The following CCDC88C variants were observed in gnomAD, a reference collection of about 807,000 sequenced individuals.
The protein encoded by CCDC88C is protein Daple.
CCDC88C carries 131 observed loss-of-function variants against 198.8 expected under a neutral mutation model. The ratio of observed to expected loss-of-function variants is 0.66; its 90% CI spans 0.57 to 0.76. The LOEUF is 0.76. Among genes scored for constraint, CCDC88C ranks in the 30% least tolerant of loss-of-function variants. The pLI is 0.00. For missense variants in CCDC88C, 2,553 were observed against 2,631.6 expected, an observed-to-expected ratio of 0.97 and a Z score of 0.65; for synonymous variants, 1,166 against 1,114.7, an observed-to-expected ratio of 1.05 and a Z score of -0.92.
chr14:91,385,594 G>A (rs374322308), intron 3 of CCDC88C, among the ~76,000 whole-genome samples: 17 of 152,298 alleles, frequency 1.1e-4, no homozygotes, highest in African/African-American at 4.1e-4. Context: ...GCCAAACTCG[G>A]ACATCAAAAG....
At chr14:91,275,205 C>T (rs1038685656) in intron 29 of CCDC88C, among the ~76,000 whole-genome samples, 5 of 152,116 alleles carry the variant, frequency 3.3e-5, no homozygotes, top group African/African-American at 9.7e-5. Flanking sequence ...CAGCTTTCAA[C>T]AGAAGCTGCT....
chr14:91,400,980 G>A (rs1443720304), intron 3 of CCDC88C, among the ~76,000 whole-genome samples: 2 of 151,792 alleles, frequency 1.3e-5, no homozygotes, highest in Non-Finnish European at 2.9e-5. Flanking sequence ...ACACCCACAC[G>A]ATAAAATGTT....
chr14:91,417,762 G>T lies in CCDC88C; in HGVS notation c.-72C>A. 1 of 1,188,784 alleles carries T rather than the reference G, an allele frequency of 8.4e-7. No homozygotes were observed. The highest frequency in any genetic ancestry group is 1.6e-5 in the African/African-American group (1 of 61,584). The allele number at this position is 1,188,784 out of a possible 1,614,324, so 73.6% of individuals were successfully genotyped here. A position where few individuals can be genotyped will look rare whatever the true frequency, so the allele number is the denominator to read the frequency against. ...GTTCCCCCGCGCCGCGGCACAAAAC[G>T]GCTCCGCAGCGAGCAGCGGGCGCGG... On this transcript the variant is annotated 5_prime_UTR_variant, in exon 1 of 30. Transcript: ENST00000389857.
chr14:91,395,245 C>T (rs1885775128), intron 3 of CCDC88C, among the ~76,000 whole-genome samples: 1 of 152,142 alleles, frequency 6.6e-6, no homozygotes, highest in Non-Finnish European at 1.5e-5. Flanking sequence ...CAAGTAACTG[C>T]CCCCTCCGCC....
intron 15 of CCDC88C, 95 bp from the exon 16 acceptor site, chr14:91,310,081 C>A: frequency 7.6e-7 from 1 of 1,314,510 alleles, no homozygotes; most frequent in Non-Finnish European, 1.0e-6. Flanking sequence ...AACTGTCCTC[C>A]CGGGCCACGG....
rs1887133363 is a variant in CCDC88C at position 91,417,560 on chromosome 14, G to GC, written c.60+70dup. ...CCGGGGCCCCGGCCGTGTCGGGTCT[G>GC]CGGCGTCCCGTCGCCGGGCTAGAGA... On this transcript the variant is annotated intron_variant, in intron 1 of 29. Transcript: ENST00000389857. 1.1e-5 allele frequency: 16 copies of GC among 1,435,726 alleles called. No individual in the cohort carries two copies. In the South Asian group the frequency reaches 2.0e-4, roughly 18 times the overall value. The allele number at this position is 1,435,726 out of a possible 1,614,324, so 88.9% of individuals were successfully genotyped here. A position where few individuals can be genotyped will look rare whatever the true frequency, so the allele number is the denominator to read the frequency against.
intron 4 of CCDC88C, 65 bp downstream of exon 4, chr14:91,359,577 G>T: frequency 7.6e-7 from 1 of 1,320,888 alleles, no homozygotes; most frequent in Non-Finnish European, 1.1e-6. Flanking sequence ...TCGATGGCCA[G>T]CAGCTGCCCA....
At chr14:91,316,829 G>A (rs755579011) in intron 13 of CCDC88C, among the ~76,000 whole-genome samples, 3 of 152,118 alleles carry the variant, frequency 2.0e-5, no homozygotes, top group Admixed American at 6.5e-5. Context: ...CCTATACTCC[G>A]GTCCATCCCC....
intron 10 of CCDC88C, among the ~76,000 whole-genome samples, chr14:91,330,853 G>A (rs995706549): frequency 1.3e-5 from 2 of 152,158 alleles, no homozygotes; most frequent in African/African-American, 4.8e-5. Flanking sequence ...GAGGGTCTAT[G>A]TGTGTGGGCT....
intron 25 of CCDC88C, among the ~76,000 whole-genome samples, chr14:91,286,710 C>T (rs941599591): frequency 2.6e-5 from 4 of 152,228 alleles, no homozygotes; most frequent in African/African-American, 9.6e-5. Context: ...CAGTTCAGGG[C>T]TAGGCTCTTG....
In CCDC88C at chr14:91,280,539, C is replaced by T. The variant is rs192554867; in HGVS notation, c.4699+918G>A. ...ATAAGGAAACCGTGATAGCGATCAA[C>T]GGCCCAAAAGCACCATTGTTTATTC... is the stretch of plus-strand genomic sequence containing the variant. On this transcript the variant is annotated intron_variant, in intron 27 of 29. Coordinates refer to ENST00000389857, the MANE Select transcript of CCDC88C (RefSeq NM_001080414.4). 4.0e-4 allele frequency among the ~76,000 whole-genome samples: 61 copies of T among 152,298 alleles called. 1 individual carries two copies. In the East Asian group the frequency reaches 9.2e-3, roughly 23 times the overall value.
intron 10 of CCDC88C, among the ~76,000 whole-genome samples, chr14:91,328,613 G>A (rs886099390): frequency 6.6e-6 from 1 of 152,206 alleles, no homozygotes; most frequent in Non-Finnish European, 1.5e-5. Context: ...CTGCCACTGC[G>A]ACTTGGGGCA....
intron 14 of CCDC88C, among the ~76,000 whole-genome samples, chr14:91,314,411 G>A (rs1035812581): frequency 1.3e-5 from 2 of 152,212 alleles, no homozygotes; most frequent in East Asian, 3.8e-4. Flanking sequence ...CCTCACTTAA[G>A]TTTCAGCGGT....
At chr14:91,344,604 T>C (rs1285801) in intron 4 of CCDC88C, among the ~76,000 whole-genome samples, 116,556 of 151,296 alleles carry the variant, frequency 0.77, 45,340 homozygotes, top group Non-Finnish European at 0.82. Context: ...CTCTGCCTCC[T>C]GGGTTCATGC....
At chr14:91,416,891 A>C in intron 1 of CCDC88C, 53 bp from the exon 2 acceptor site, 5 of 1,317,032 alleles carry the variant, frequency 3.8e-6, no homozygotes, top group Middle Eastern at 1.8e-4. Flanking sequence ...CGTGCGCACA[A>C]ACGGTCCAAA....
rs1367239914 is a variant in CCDC88C at position 91,417,709 on chromosome 14, GGCTCCGCGCCCCCC to G, written c.-33_-20del. 7.3e-6 allele frequency: 11 copies of G among 1,502,172 alleles called. No individual in the cohort carries two copies. The highest frequency in any genetic ancestry group is 2.1e-4 in the Middle Eastern group (1 of 4,834). 93.1% of individuals were successfully genotyped at this position (1,502,172 alleles called of 1,614,324 possible). ...CGTCCATGCTGAGGCTGCGCCCGCC[GGCTCCGCGCCCCCC>G]GCCCCGCGTCCCCGTTCCCCCGCGC... On this transcript the variant is annotated 5_prime_UTR_variant, in exon 1 of 30. Coordinates refer to ENST00000389857, the MANE Select transcript of CCDC88C (RefSeq NM_001080414.4).
chr14:91,397,037 T>G (rs560150923), intron 3 of CCDC88C, among the ~76,000 whole-genome samples: 2 of 151,490 alleles, frequency 1.3e-5, no homozygotes, highest in South Asian at 2.1e-4. Flanking sequence ...GAAAAAAACT[T>G]GAGCAAACGG....
intron 3 of CCDC88C, among the ~76,000 whole-genome samples, chr14:91,374,079 C>T (rs966659075): frequency 1.3e-5 from 2 of 152,216 alleles, no homozygotes; most frequent in African/African-American, 4.8e-5. Context: ...ACAGTGTGGC[C>T]CACAGCAGAT....
chr14:91,387,852 G>A (rs891185708), intron 3 of CCDC88C, among the ~76,000 whole-genome samples: 1 of 152,218 alleles, frequency 6.6e-6, no homozygotes, highest in South Asian at 2.1e-4. Context: ...TAAACGAGGA[G>A]CAGCTTGGGC....
Sources: gnomAD v4.1 joint callset for allele counts (sites outside exome capture counted in the v4.1 genomes callset) on GRCh38, gnomAD v4.1.1 for gene constraint, MANE v1.5 for transcripts, NCBI Gene and HGNC (gene_info 2026-07-23, HGNC 2026-07-21) for gene names.